Variants in FAM184B observed in about 807,000 individuals in gnomAD.
The protein encoded by FAM184B is family with sequence similarity 184 member B.
Under a neutral mutation model 135.9 loss-of-function variants are expected in FAM184B, and 111 were observed. The observed-to-expected ratio is 0.82, with a 90% CI of 0.70 to 0.96. The LOEUF (loss-of-function observed/expected upper bound fraction) is 0.96. FAM184B is among the 40% of genes least tolerant of loss of function. The pLI is 0.00. For synonymous variants in FAM184B, 552 were observed against 524.8 expected (o/e 1.05, Z -0.71); for missense variants, 1,375 against 1,323.9 (o/e 1.04, Z -0.60).
chr4:17,633,650 A>G, intron 17 of FAM184B, 39 bp downstream of exon 17: 3 of 1,434,090 alleles, frequency 2.1e-6, no homozygotes, highest in Non-Finnish European at 2.8e-6. Flanking sequence ...ATCTACAGGG[A>G]AATAGAATAA....
In FAM184B at chr4:17,709,437, C is replaced by T. The variant is rs533319746; in HGVS notation, c.349G>A (p.Glu117Lys). The change falls in exon 2 of 18, where the codon GAG (glutamate) becomes AAG (lysine). Residue 117 changes from glutamate to lysine, a missense_variant. Physicochemically the swap from Glu to Lys is moderately conservative, Grantham distance 56 (BLOSUM62 1). Transcript: ENST00000265018. ...CACGAGGCCGACTCAGCCAGCGCCT[C>T]CTCCGTCAGCCTCTTTTGCAGCTCC... is the stretch of plus-strand genomic sequence containing the variant. ...ALELQKRLTE[E>K]ALAESASCRL... 6.6e-7 allele frequency: 1 copy of T among 1,520,116 alleles called. No individual in the cohort carries two copies. The highest frequency in any genetic ancestry group is 2.5e-5 in the East Asian group (1 of 40,466). 94.2% of individuals were successfully genotyped at this position (1,520,116 alleles called of 1,614,324 possible).
intron 1 of FAM184B, among the ~76,000 whole-genome samples, chr4:17,715,020 A>G (rs1023150274): frequency 5.9e-5 from 9 of 152,110 alleles, no homozygotes; most frequent in African/African-American, 2.2e-4. Context: ...TTACTTATAT[A>G]TCCTTTCAGG....
At chr4:17,685,031 TG>T (rs1425215596) in intron 7 of FAM184B, among the ~76,000 whole-genome samples, 3 of 151,616 alleles carry the variant, frequency 2.0e-5, no homozygotes, top group Non-Finnish European at 4.4e-5. Context: ...AAACACTCAC[TG>T]GGGCCTGTTG....
At chr4:17,712,658 C>A (rs1032195175) in intron 1 of FAM184B, among the ~76,000 whole-genome samples, 1 of 152,136 alleles carries the variant, frequency 6.6e-6, no homozygotes. Context: ...CATCAGGGAT[C>A]CTGGGGGAGG....
intron 7 of FAM184B, 110 bp downstream of exon 7, chr4:17,688,314 G>T (rs1716638737): frequency 5.3e-6 from 4 of 759,490 alleles, no homozygotes; most frequent in Non-Finnish European, 6.4e-6. Flanking sequence ...CAGTGTCGAG[G>T]AGAGATGTAA....
At chr4:17,697,318 A>G (rs1304337838) in intron 5 of FAM184B, among the ~76,000 whole-genome samples, 1 of 152,174 alleles carries the variant, frequency 6.6e-6, no homozygotes, top group Non-Finnish European at 1.5e-5. Flanking sequence ...TGATACCTTT[A>G]TACTTCCTAT....
intron 1 of FAM184B, among the ~76,000 whole-genome samples, chr4:17,733,386 T>A (rs1717832477): frequency 6.6e-6 from 1 of 152,188 alleles, no homozygotes; most frequent in South Asian, 2.1e-4. Context: ...AAAGAGGAAG[T>A]CAAATTGTCC....
intron 15 of FAM184B, 40 bp downstream of exon 15, chr4:17,636,488 C>T (rs751630669): frequency 8.5e-5 from 127 of 1,497,852 alleles, no homozygotes; most frequent in East Asian, 1.7e-4. Flanking sequence ...CCGCAGTGCC[C>T]GGCCAGGTGC....
intron 6 of FAM184B, 42 bp from the exon 7 acceptor site, chr4:17,688,573 T>G (rs944549513): frequency 1.5e-5 from 21 of 1,426,500 alleles, no homozygotes; most frequent in Middle Eastern, 1.7e-4. Flanking sequence ...GAAACCAGGT[T>G]CTACCTCCTC....
intron 1 of FAM184B, among the ~76,000 whole-genome samples, chr4:17,718,636 A>T (rs1717450050): frequency 6.6e-6 from 1 of 152,180 alleles, no homozygotes; most frequent in African/African-American, 2.4e-5. Flanking sequence ...ACTTGTTGCA[A>T]GCAAAGGCTT....
At chr4:17,671,114 C>T (rs559315400) in intron 7 of FAM184B, among the ~76,000 whole-genome samples, 2 of 152,174 alleles carry the variant, frequency 1.3e-5, no homozygotes, top group East Asian at 3.9e-4. Context: ...GCTCCTGCAC[C>T]CCAGGAGAAT....
chr4:17,669,896 T>C (rs1226554330), intron 7 of FAM184B, among the ~76,000 whole-genome samples: 2 of 152,216 alleles, frequency 1.3e-5, no homozygotes, highest in African/African-American at 4.8e-5. Flanking sequence ...TGAGGTCATA[T>C]AGTGAATATA....
intron 1 of FAM184B, among the ~76,000 whole-genome samples, chr4:17,774,744 A>G (rs1718888116): frequency 6.6e-6 from 1 of 152,216 alleles, no homozygotes; most frequent in African/African-American, 2.4e-5. Context: ...TGCTTGTTTT[A>G]AACTTTGACT....
chr4:17,687,238 A>T (rs1716610013), intron 7 of FAM184B, among the ~76,000 whole-genome samples: 1 of 152,172 alleles, frequency 6.6e-6, no homozygotes, highest in Non-Finnish European at 1.5e-5. Context: ...TGATGTGGTA[A>T]GATTCAGACT....
intron 7 of FAM184B, among the ~76,000 whole-genome samples, chr4:17,681,805 G>A (rs780739909): frequency 6.6e-6 from 1 of 152,100 alleles, no homozygotes; most frequent in Non-Finnish European, 1.5e-5. Flanking sequence ...GTGAAGTCAT[G>A]TTCAGATTTC....
intron 3 of FAM184B, among the ~76,000 whole-genome samples, chr4:17,707,382 G>A (rs1335198217): frequency 1.3e-5 from 2 of 152,236 alleles, no homozygotes; most frequent in African/African-American, 2.4e-5. Context: ...GCACTGTGGT[G>A]AGCCTGGTGG....
intron 1 of FAM184B, among the ~76,000 whole-genome samples, chr4:17,729,317 G>A (rs545181126): frequency 2.0e-5 from 3 of 152,358 alleles, no homozygotes; most frequent in Non-Finnish European, 4.4e-5. Context: ...CTCCACCTCT[G>A]GGGGCGGGGC....
intron 1 of FAM184B, among the ~76,000 whole-genome samples, chr4:17,765,677 T>G (rs1425057883): frequency 6.6e-6 from 1 of 152,230 alleles, no homozygotes; most frequent in Non-Finnish European, 1.5e-5. Context: ...TTGTATTTGT[T>G]CTTGAAATTA....
At chr4:17,727,963 T>A (rs906876538) in intron 1 of FAM184B, among the ~76,000 whole-genome samples, 1 of 151,992 alleles carries the variant, frequency 6.6e-6, no homozygotes, top group Non-Finnish European at 1.5e-5. Context: ...CAGTTGGCCA[T>A]TGAGTTCTTA....
Sources: gnomAD v4.1 joint callset for allele counts (sites outside exome capture counted in the v4.1 genomes callset) on GRCh38, gnomAD v4.1.1 for gene constraint, MANE v1.5 for transcripts, NCBI Gene and HGNC (gene_info 2026-07-23, HGNC 2026-07-21) for gene names.